Variants in LARP4B observed in about 807,000 individuals in gnomAD.
The protein encoded by LARP4B is La ribonucleoprotein 4B, also known as la-related protein 4B.
Under a neutral mutation model 89.8 loss-of-function variants are expected in LARP4B, and 12 were observed. The ratio of observed to expected loss-of-function variants is 0.13; its 90% confidence interval spans 0.09 to 0.22. The LOEUF (loss-of-function observed/expected upper bound fraction) is 0.22, where lower values mean the gene tolerates loss of function less well. LARP4B is among the 10% of genes least tolerant of loss of function. The pLI is 1.00. For synonymous variants in LARP4B, 367 were observed against 363.3 expected (o/e 1.01, Z -0.12); for missense variants, 757 against 947.7 (o/e 0.80, Z 2.64).
intron 1 of LARP4B, among the ~76,000 whole-genome samples, chr10:904,266 A>G (rs1010296606): frequency 1.3e-5 from 2 of 152,192 alleles, no homozygotes. Flanking sequence ...AAAGATAAAT[A>G]AAATAGGCCG....
chr10:930,157 C>T (rs2132071277), intron 1 of LARP4B, among the ~76,000 whole-genome samples: 1 of 152,104 alleles, frequency 6.6e-6, no homozygotes, highest in Non-Finnish European at 1.5e-5. Flanking sequence ...CTGTGGTCTT[C>T]ACAAACTACA....
rs1000754445 is a variant in LARP4B at position 822,216 on chromosome 10, C to T, written c.1485-1371G>A. Among the ~76,000 whole-genome samples the T allele has an allele frequency of 6.6e-6, 1 of 152,234 alleles. No individual in the cohort carries two copies. The highest frequency in any genetic ancestry group is 1.5e-5 in the Non-Finnish European group (1 of 68,040). On this transcript the variant is annotated intron_variant, in intron 13 of 17. Coordinates refer to ENST00000316157, the MANE Select transcript of LARP4B (RefSeq NM_015155.3). This position sits in a 1 kb window ranked among gnomAD's most constrained non-coding sequence, Gnocchi z 4.6. ...AACCAGATGAGAGTCTTCAGTGGGA[C>T]AGGACTCAACTGGCCCTGGGGACCT...
In LARP4B at chr10:814,185, G is replaced by C. The variant is rs907713507; in HGVS notation, c.1929+557C>G. 3.3e-5 allele frequency among the ~76,000 whole-genome samples: 5 copies of C among 152,032 alleles called. No homozygotes were observed. Among genetic ancestry groups the C allele is most frequent in the African/African-American group, 9.7e-5 (4 of 41,376 alleles). ...TTTTTTAGACTCAGCCCAGGGGACA[G>C]TAAGGGATTAAACTCCCAAATTCAA... On this transcript the variant is annotated intron_variant, in intron 17 of 17. Coordinates refer to ENST00000316157, the MANE Select transcript of LARP4B (RefSeq NM_015155.3). The surrounding 1 kb of genome is among the most constrained non-coding windows in gnomAD (Gnocchi z 4.4).
At chr10:921,468 A>G (rs942930047) in intron 1 of LARP4B, among the ~76,000 whole-genome samples, 2 of 152,136 alleles carry the variant, frequency 1.3e-5, no homozygotes, top group African/African-American at 4.8e-5. Context: ...ACAGAATAAA[A>G]CTACCACTTC....
At chr10:982,768 T>TA in the LARP4B span, among the ~76,000 whole-genome samples, 1 of 152,134 alleles carries the variant, frequency 6.6e-6, no homozygotes, top group African/African-American at 2.4e-5. Flanking sequence ...TAGCTTAAAA[T>TA]AAAAAAGTGG....
intron 5 of LARP4B, among the ~76,000 whole-genome samples, chr10:849,113 G>A (rs188694577): frequency 2.0e-4 from 30 of 152,074 alleles, no homozygotes; most frequent in Non-Finnish European, 1.5e-4. Context: ...GGAGCAAAAC[G>A]CAAAGAAATC....
intron 1 of LARP4B, among the ~76,000 whole-genome samples, chr10:915,804 G>C (rs1277308027): frequency 2.1e-5 from 3 of 145,370 alleles, no homozygotes; most frequent in Non-Finnish European, 4.5e-5. Flanking sequence ...CTGCATTCCA[G>C]CCTGGGAGAC....
At chr10:827,730 G>A (rs1832705792) in intron 11 of LARP4B, among the ~76,000 whole-genome samples, 1 of 152,146 alleles carries the variant, frequency 6.6e-6, no homozygotes, top group Non-Finnish European at 1.5e-5. Flanking sequence ...AACTGCTGCA[G>A]GAAGAACTGA....
chr10:849,586 A>T (rs1239111982), intron 5 of LARP4B, among the ~76,000 whole-genome samples: 1 of 152,198 alleles, frequency 6.6e-6, no homozygotes, highest in African/African-American at 2.4e-5. Context: ...GTCCTCATGG[A>T]GGGGGACCAT....
chr10:926,630 T>G (rs1219958058), intron 1 of LARP4B, among the ~76,000 whole-genome samples: 1 of 152,218 alleles, frequency 6.6e-6, no homozygotes, highest in Non-Finnish European at 1.5e-5. Context: ...AGCATTTTAT[T>G]GGGCAAATTT....
downstream of LARP4B, chr10:807,810 G>GCTT (rs1372045947): frequency 1.3e-5 from 2 of 152,364 alleles, no homozygotes; most frequent in Non-Finnish European, 2.9e-5. Context: ...GCCACTGCAC[G>GCTT]CTTAGGCTGT....
At chr10:915,772 GC>G (rs1171693492) in intron 1 of LARP4B, among the ~76,000 whole-genome samples, 1 of 149,294 alleles carries the variant, frequency 6.7e-6, no homozygotes, top group African/African-American at 2.5e-5. Context: ...GGCGGAGGTT[GC>G]AGTGAGCCCA....
chr10:977,193 G>A, the LARP4B span, among the ~76,000 whole-genome samples: 10 of 151,982 alleles, frequency 6.6e-5, no homozygotes, highest in East Asian at 1.2e-3. Context: ...TGGCTCTGTC[G>A]CCCAGGCTGG....
At chr10:951,360 C>T in the LARP4B span, among the ~76,000 whole-genome samples, 5 of 151,964 alleles carry the variant, frequency 3.3e-5, no homozygotes, top group Admixed American at 2.6e-4. Flanking sequence ...ACCAGCCTGG[C>T]CAATATGGTG....
At chr10:896,082 T>C (rs181764653) in intron 1 of LARP4B, among the ~76,000 whole-genome samples, 13 of 152,358 alleles carry the variant, frequency 8.5e-5, no homozygotes, top group African/African-American at 2.2e-4. Context: ...CACTTTGCAG[T>C]TGTTTTTCAA....
At chr10:825,681 CT>C in intron 12 of LARP4B, 82 bp downstream of exon 12, 1 of 869,422 alleles carries the variant, frequency 1.2e-6, no homozygotes, top group South Asian at 1.5e-5. Context: ...AGGAGCAGGA[CT>C]AGTGATCAAA....
the LARP4B span, among the ~76,000 whole-genome samples, chr10:954,161 T>C: frequency 2.0e-5 from 3 of 152,184 alleles, no homozygotes; most frequent in African/African-American, 7.2e-5. This position sits in a 1 kb window ranked among gnomAD's most constrained non-coding sequence, Gnocchi z 5.0. Flanking sequence ...CATTAGTTTT[T>C]GCGCCATCTG....
At chr10:882,483 G>A (rs970562584) in intron 3 of LARP4B, among the ~76,000 whole-genome samples, 1 of 152,088 alleles carries the variant, frequency 6.6e-6, no homozygotes, top group Non-Finnish European at 1.5e-5. Flanking sequence ...TGCCTCCCAG[G>A]TTAACGCCAT....
chr10:899,422 G>A (rs1836274012), intron 1 of LARP4B, among the ~76,000 whole-genome samples: 1 of 152,088 alleles, frequency 6.6e-6, no homozygotes, highest in Non-Finnish European at 1.5e-5. Flanking sequence ...GCCATGTTCT[G>A]CACATTCTAT....
Sources: allele counts gnomAD v4.1 joint callset (sites outside exome capture counted in the v4.1 genomes callset), GRCh38; gene constraint gnomAD v4.1.1; non-coding constraint Gnocchi (gnomAD v3.1); transcripts MANE v1.5; gene names NCBI Gene and HGNC (gene_info 2026-07-23, HGNC 2026-07-21).